DGKB: variants seen among roughly 807,000 people sequenced by gnomAD.
DGKB encodes the protein diacylglycerol kinase beta.
Under a neutral mutation model 114.3 loss-of-function variants are expected in DGKB, and 67 were observed. The observed-to-expected ratio is 0.59, with a 90% CI of 0.48 to 0.72. The LOEUF (loss-of-function observed/expected upper bound fraction) is 0.72. Ranked by LOEUF, DGKB falls within the 30% of genes least tolerant of loss-of-function variation. The pLI is 0.00. For synonymous variants in DGKB, 398 were observed against 323.1 expected, an observed-to-expected ratio of 1.23 and a Z score of -2.49; for missense variants, 907 against 975.2, an observed-to-expected ratio of 0.93 and a Z score of 0.93.
intron 23 of DGKB, among the ~76,000 whole-genome samples, chr7:14,267,839 A>G (rs1797736803): frequency 6.6e-6 from 1 of 152,138 alleles, no homozygotes; most frequent in Non-Finnish European, 1.5e-5. Context: ...AAATATAGAT[A>G]ACTAGAACAT....
chr7:14,152,609 C>T (rs563732291), intron 25 of DGKB, among the ~76,000 whole-genome samples: 3 of 152,138 alleles, frequency 2.0e-5, no homozygotes, highest in African/African-American at 7.2e-5. Flanking sequence ...CTTCTGTCTT[C>T]CTGTTTCAAA....
intron 5 of DGKB, among the ~76,000 whole-genome samples, chr7:14,722,730 G>T (rs1830028): frequency 0.54 from 81,387 of 151,614 alleles, 22,221 homozygotes; most frequent in East Asian, 0.87. Context: ...GAGAATCGCT[G>T]GAACCCAGGA....
chr7:14,329,032 C>T lies in DGKB; in HGVS notation c.2122+9483G>A, dbSNP rs564257922. Among the ~76,000 whole-genome samples the T allele has an allele frequency of 2.6e-5, 4 of 152,026 alleles. No individual in the cohort carries two copies. The South Asian group carries it at 8.3e-4, about 32-fold the overall frequency. ...GAACTACATGAGATTCTATGTATTT[C>T]CACAAAACAGAGTGGCCGCACACTT... On this transcript the variant is annotated intron_variant, in intron 23 of 25. Coordinates refer to ENST00000402815, the MANE Select transcript of DGKB (RefSeq NM_001350709.2).
At chr7:14,955,975 G>A (rs1425196045) in intron 1 of DGKB, among the ~76,000 whole-genome samples, 1 of 151,952 alleles carries the variant, frequency 6.6e-6, no homozygotes, top group Non-Finnish European at 1.5e-5. Flanking sequence ...TGTGTAGCCT[G>A]AATGAGAGTA....
chr7:14,450,734 C>A (rs1396642596), intron 21 of DGKB, among the ~76,000 whole-genome samples: 2 of 152,000 alleles, frequency 1.3e-5, no homozygotes, highest in African/African-American at 4.8e-5. Flanking sequence ...TAGAAAGTAG[C>A]AAAGAGCAGA....
chr7:14,298,286 C>A (rs574783444), intron 23 of DGKB, among the ~76,000 whole-genome samples: 1 of 152,100 alleles, frequency 6.6e-6, no homozygotes, highest in Admixed American at 6.5e-5. Context: ...GGAGGCATCA[C>A]GCTACCTGAC....
At chr7:14,462,241 G>A (rs1241579713) in intron 21 of DGKB, among the ~76,000 whole-genome samples, 2 of 152,126 alleles carry the variant, frequency 1.3e-5, no homozygotes, top group African/African-American at 4.8e-5. Flanking sequence ...ATATAGTATT[G>A]GAAGTTCTGG....
intron 1 of DGKB, among the ~76,000 whole-genome samples, chr7:14,974,015 T>C (rs1007804624): frequency 6.6e-6 from 1 of 151,438 alleles, no homozygotes; most frequent in Non-Finnish European, 1.5e-5. Flanking sequence ...CTCTTATGAG[T>C]TTCAGATTTG....
At chr7:14,607,407 T>C in intron 17 of DGKB, 27 bp downstream of exon 17, 1 of 1,150,334 alleles carries the variant, frequency 8.7e-7, no homozygotes, top group Non-Finnish European at 1.3e-6. Flanking sequence ...ACTGAGTTAA[T>C]GGTAATAATA....
chr7:14,546,259 G>A (rs1794267694), intron 20 of DGKB, among the ~76,000 whole-genome samples: 1 of 151,302 alleles, frequency 6.6e-6, no homozygotes, highest in Non-Finnish European at 1.5e-5. Flanking sequence ...TCAAATGACT[G>A]CCCAAGTTTT....
intron 2 of DGKB, among the ~76,000 whole-genome samples, chr7:14,813,024 T>C (rs1360787415): frequency 6.6e-6 from 1 of 152,070 alleles, no homozygotes; most frequent in Non-Finnish European, 1.5e-5. Flanking sequence ...AAGCAACAAA[T>C]ACGATCTAAA....
At chr7:14,183,540 A>G (rs1337279347) in intron 23 of DGKB, among the ~76,000 whole-genome samples, 3 of 152,212 alleles carry the variant, frequency 2.0e-5, no homozygotes, top group African/African-American at 7.2e-5. Context: ...TAATATATCT[A>G]CTATATGCCT....
chr7:14,410,268 T>G (rs1824652756), intron 21 of DGKB, among the ~76,000 whole-genome samples: 1 of 151,638 alleles, frequency 6.6e-6, no homozygotes, highest in Non-Finnish European at 1.5e-5. Flanking sequence ...TTTATAATCT[T>G]CCTTCAGATA....
chr7:14,434,682 T>A (rs1340216057), intron 21 of DGKB, among the ~76,000 whole-genome samples: 1 of 152,152 alleles, frequency 6.6e-6, no homozygotes, highest in East Asian at 1.9e-4. Flanking sequence ...TATGTTGTTT[T>A]AAGTTACTAA....
At chr7:14,514,404 C>T (rs971856096) in intron 20 of DGKB, among the ~76,000 whole-genome samples, 21 of 152,080 alleles carry the variant, frequency 1.4e-4, no homozygotes, top group African/African-American at 5.1e-4. Flanking sequence ...CTCAAAGCTA[C>T]TTACAAGTAG....
chr7:14,447,372 A>T (rs1351523498), intron 21 of DGKB, among the ~76,000 whole-genome samples: 1 of 151,966 alleles, frequency 6.6e-6, no homozygotes, highest in Non-Finnish European at 1.5e-5. Context: ...AATAACTTGG[A>T]CCTCACTAAA....
chr7:14,588,717 C>A (rs1402624435), intron 17 of DGKB, among the ~76,000 whole-genome samples: 1 of 151,852 alleles, frequency 6.6e-6, no homozygotes, highest in Non-Finnish European at 1.5e-5. Flanking sequence ...GTATTATTTC[C>A]ACATATGGGT....
chr7:14,542,360 A>G (rs1169574824), intron 20 of DGKB, among the ~76,000 whole-genome samples: 1 of 151,740 alleles, frequency 6.6e-6, no homozygotes. Flanking sequence ...CTCTGCATCT[A>G]CTTATCTTCT....
At chr7:14,944,918 T>C (rs1230602480) in intron 1 of DGKB, among the ~76,000 whole-genome samples, 1 of 151,854 alleles carries the variant, frequency 6.6e-6, no homozygotes, top group Non-Finnish European at 1.5e-5. Context: ...AATAATTTTG[T>C]CTGGCGATAA....
Sources: gnomAD v4.1 joint callset for allele counts (sites outside exome capture counted in the v4.1 genomes callset) on GRCh38, gnomAD v4.1.1 for gene constraint, MANE v1.5 for transcripts, NCBI Gene and HGNC (gene_info 2026-07-23, HGNC 2026-07-21) for gene names.